The following APBA2 variants were observed in gnomAD, a reference collection of about 807,000 sequenced individuals.
APBA2 encodes the protein amyloid-beta A4 precursor protein-binding family A member 2.
A neutral mutation model predicts 75.0 loss-of-function variants in APBA2; 30 were observed. That is an observed-to-expected ratio of 0.40 (90% CI 0.30 to 0.54). The LOEUF (loss-of-function observed/expected upper bound fraction) is 0.54, where lower values mean the gene tolerates loss of function less well. APBA2 is among the 20% of genes least tolerant of loss of function. APBA2 has a pLI of 0.49. For missense variants in APBA2, 801 were observed against 1,016.1 expected (o/e 0.79, Z 2.88); for synonymous variants, 444 against 409.6 (o/e 1.08, Z -1.01).
intron 1 of APBA2, among the ~76,000 whole-genome samples, chr15:28,912,310 A>C (rs143399781): frequency 0.012 from 1,902 of 152,292 alleles, 36 homozygotes; most frequent in African/African-American, 0.043. Context: ...TATACTATGG[A>C]TTAGGACATG....
At chr15:28,906,974 T>C (rs2033163476) in intron 1 of APBA2, among the ~76,000 whole-genome samples, 1 of 152,076 alleles carries the variant, frequency 6.6e-6, no homozygotes, top group African/African-American at 2.4e-5. Context: ...TATTTGGCAA[T>C]GCAAAAATTT....
chr15:28,910,094 A>G (rs1231686313), intron 1 of APBA2, among the ~76,000 whole-genome samples: 1 of 152,252 alleles, frequency 6.6e-6, no homozygotes, highest in Admixed American at 6.5e-5. Context: ...TAGAATTAAA[A>G]TCAGAAATAA....
chr15:29,036,579 G>A (rs2152854714), intron 3 of APBA2, among the ~76,000 whole-genome samples: 1 of 152,308 alleles, frequency 6.6e-6, no homozygotes, highest in Non-Finnish European at 1.5e-5. Flanking sequence ...TGTGTATGAG[G>A]GTTTGGGGTG....
chr15:29,106,901 A>G (rs2044443275), intron 12 of APBA2, 82 bp downstream of exon 12: 2 of 1,322,204 alleles, frequency 1.5e-6, no homozygotes, highest in Middle Eastern at 1.8e-4. Flanking sequence ...TCCCCACTTC[A>G]CTGCAATCCC....
Position 28,914,917 on chromosome 15 carries a change from G to A in APBA2, c.-204-6723G>A, listed in dbSNP as rs2033595238. Among the ~76,000 whole-genome samples, 3 of 151,716 alleles carry A rather than the reference G, an allele frequency of 2.0e-5. No homozygotes were observed. In the South Asian group the frequency reaches 6.2e-4, roughly 32 times the overall value. On this transcript the variant is annotated intron_variant, in intron 1 of 14. Coordinates refer to ENST00000683413, the MANE Select transcript of APBA2 (RefSeq NM_001353788.2). ...ATCTGCAGTGCACAGGTGTGCATGT[G>A]TGTGCATAATACACACCACACACAT...
intron 3 of APBA2, among the ~76,000 whole-genome samples, chr15:29,020,713 G>T (rs2039910082): frequency 6.6e-6 from 1 of 152,032 alleles, no homozygotes; most frequent in South Asian, 2.1e-4. Flanking sequence ...GGGAGGCTGG[G>T]GCAGGAGAAT....
chr15:29,056,680 C>T (rs2041918023), intron 4 of APBA2, among the ~76,000 whole-genome samples: 1 of 140,568 alleles, frequency 7.1e-6, no homozygotes, highest in South Asian at 2.5e-4. Flanking sequence ...TCTTTCTTTC[C>T]TATCAGTTCA....
chr15:28,933,231 G>A (rs958458778), intron 2 of APBA2, among the ~76,000 whole-genome samples: 1 of 152,084 alleles, frequency 6.6e-6, no homozygotes, highest in African/African-American at 2.4e-5. Flanking sequence ...AACTTTGGGG[G>A]GGCACATTCC....
chr15:28,974,362 G>A (rs765823549), intron 2 of APBA2, among the ~76,000 whole-genome samples: 4 of 152,182 alleles, frequency 2.6e-5, no homozygotes, highest in Non-Finnish European at 4.4e-5. Context: ...GCGGTGGGGA[G>A]ACATGAGGGA....
intron 3 of APBA2, among the ~76,000 whole-genome samples, chr15:29,044,910 G>A (rs1293537337): frequency 5.3e-5 from 8 of 152,110 alleles, no homozygotes; most frequent in Admixed American, 5.2e-4. Flanking sequence ...ATCAAGGTAT[G>A]GGCAGATTCA....
intron 13 of APBA2, among the ~76,000 whole-genome samples, chr15:29,113,595 C>A (rs1281720604): frequency 6.6e-6 from 1 of 152,162 alleles, no homozygotes; most frequent in Non-Finnish European, 1.5e-5. Context: ...TCTAGCCTGA[C>A]CACAAAGGGA....
intron 2 of APBA2, among the ~76,000 whole-genome samples, chr15:28,931,138 C>T (rs527921582): frequency 4.5e-4 from 68 of 152,362 alleles, no homozygotes; most frequent in African/African-American, 1.5e-3. Context: ...AAAGTCCCTG[C>T]TCCTCTTCTG....
At chr15:29,021,697 A>C (rs1431049925) in intron 3 of APBA2, among the ~76,000 whole-genome samples, 1 of 152,118 alleles carries the variant, frequency 6.6e-6, no homozygotes, top group Non-Finnish European at 1.5e-5. Context: ...TTAACTGTAC[A>C]ATACAGTGTT....
At chr15:29,082,012 C>T (rs1051216080) in intron 6 of APBA2, among the ~76,000 whole-genome samples, 4 of 152,196 alleles carry the variant, frequency 2.6e-5, no homozygotes, top group Non-Finnish European at 5.9e-5. Flanking sequence ...GAGTTGGTTA[C>T]GTATGAGGTT....
chr15:29,075,776 G>A (rs1020797042), intron 5 of APBA2, among the ~76,000 whole-genome samples: 3 of 152,126 alleles, frequency 2.0e-5, no homozygotes, highest in Non-Finnish European at 2.9e-5. Context: ...TGGTTGGAGC[G>A]TCATTGTGTT....
rs570216232 is a variant in APBA2 at position 28,910,592 on chromosome 15, A to C, written c.-204-11048A>C. Among the ~76,000 whole-genome samples, 289 of 152,308 alleles carry C rather than the reference A, an allele frequency of 1.9e-3. 1 individual carries two copies. Among genetic ancestry groups the C allele is most frequent in the Non-Finnish European group, 3.3e-3 (222 of 68,026 alleles). The stretch of plus-strand genomic sequence containing the variant: ...GTCCTGGGCACCCTGGGCTGTGCCG[A>C]AAGTCTCTGCGTCACACCGCCTGGG... On this transcript the variant is annotated intron_variant, in intron 1 of 14. Coordinates refer to ENST00000683413, the MANE Select transcript of APBA2 (RefSeq NM_001353788.2).
intron 2 of APBA2, among the ~76,000 whole-genome samples, chr15:28,954,905 C>T (rs2036085145): frequency 6.6e-6 from 1 of 152,110 alleles, no homozygotes; most frequent in South Asian, 2.1e-4. Context: ...GGATTTCTGT[C>T]CAGGAGGGTC....
intron 13 of APBA2, among the ~76,000 whole-genome samples, chr15:29,111,060 G>C (rs2044701916): frequency 6.6e-6 from 1 of 152,144 alleles, no homozygotes; most frequent in Admixed American, 6.5e-5. Flanking sequence ...GGCAGCAGCA[G>C]ACTTGCGGGG....
intron 6 of APBA2, among the ~76,000 whole-genome samples, chr15:29,077,196 C>G (rs1452987321): frequency 6.6e-6 from 1 of 152,166 alleles, no homozygotes; most frequent in Non-Finnish European, 1.5e-5. Flanking sequence ...TTTCTTCAGG[C>G]CACAGCAGGT....
Sources: allele counts gnomAD v4.1 joint callset (sites outside exome capture counted in the v4.1 genomes callset), GRCh38; gene constraint gnomAD v4.1.1; transcripts MANE v1.5; gene names NCBI Gene and HGNC (gene_info 2026-07-23, HGNC 2026-07-21).